The following NELL1 variants were observed in gnomAD, a reference collection of about 807,000 sequenced individuals.
NELL1 encodes the protein neural EGFL like 1, also known as protein kinase C-binding protein NELL1.
A neutral mutation model predicts 107.4 loss-of-function variants in NELL1; 76 were observed. The ratio of observed to expected loss-of-function variants is 0.71; its 90% confidence interval spans 0.59 to 0.86. The LOEUF (loss-of-function observed/expected upper bound fraction) is 0.86. NELL1 is among the 40% of genes least tolerant of loss of function. The probability of loss-of-function intolerance (pLI) is 0.00; values close to 1 mark genes in which losing one functional copy is unlikely to be tolerated. For synonymous variants in NELL1, 353 were observed against 341.2 expected, an observed-to-expected ratio of 1.03 and a Z score of -0.38; for missense variants, 1,024 against 1,005.5, an observed-to-expected ratio of 1.02 and a Z score of -0.25.
intron 15 of NELL1, among the ~76,000 whole-genome samples, chr11:21,477,621 A>C (rs1279728344): frequency 6.6e-6 from 1 of 151,988 alleles, no homozygotes; most frequent in African/African-American, 2.4e-5. Context: ...GAATATAATA[A>C]ATACCTAACT....
chr11:21,518,886 C>T (rs4128394), intron 15 of NELL1, among the ~76,000 whole-genome samples: 1,552 of 152,134 alleles, frequency 0.01, 35 homozygotes, highest in East Asian at 0.071. Flanking sequence ...TTTATTTTGG[C>T]TGGAAGTAAT....
intron 11 of NELL1, among the ~76,000 whole-genome samples, chr11:20,957,024 G>A (rs1431687702): frequency 6.6e-6 from 1 of 152,156 alleles, no homozygotes; most frequent in African/African-American, 2.4e-5. Context: ...AATATAGAAA[G>A]AGGGTGATTC....
chr11:21,445,838 T>A lies in NELL1; in HGVS notation c.1645+74890T>A, dbSNP rs80082321. 0.02 allele frequency among the ~76,000 whole-genome samples: 3,005 copies of A among 152,286 alleles called. 262 individuals are homozygous for A. The East Asian group carries it at 0.28, about 14-fold the overall frequency. Reference sequence around the variant, plus strand: ...GATATACTATTCTAAGATAAAAGTGTCTTGTTGTTTTCTTCAGCACTTTAA... The same window carrying A: ...GATATACTATTCTAAGATAAAAGTGACTTGTTGTTTTCTTCAGCACTTTAA... On this transcript the variant is annotated intron_variant, in intron 15 of 19. Coordinates refer to ENST00000357134, the MANE Select transcript of NELL1 (RefSeq NM_006157.5).
At chr11:21,084,727 T>G (rs188141716) in intron 12 of NELL1, among the ~76,000 whole-genome samples, 2 of 152,352 alleles carry the variant, frequency 1.3e-5, no homozygotes, top group African/African-American at 2.4e-5. Context: ...TTTGTCTTGA[T>G]AGCGCAACCA....
chr11:21,428,393 T>C (rs1852885510), intron 15 of NELL1, among the ~76,000 whole-genome samples: 1 of 152,202 alleles, frequency 6.6e-6, no homozygotes, highest in African/African-American at 2.4e-5. Flanking sequence ...TTCATAACTC[T>C]GAAATCATAA....
At chr11:21,446,140 T>A (rs1293517002) in intron 15 of NELL1, among the ~76,000 whole-genome samples, 1 of 152,120 alleles carries the variant, frequency 6.6e-6, no homozygotes, top group African/African-American at 2.4e-5. Context: ...TCTGATGCAT[T>A]CTTCAGTATG....
intron 12 of NELL1, among the ~76,000 whole-genome samples, chr11:21,019,390 T>C (rs567057441): frequency 4.5e-4 from 68 of 152,198 alleles, no homozygotes; most frequent in Non-Finnish European, 8.1e-4. Flanking sequence ...CACAAGTATA[T>C]GTGGCCCAAG....
In NELL1 at chr11:21,270,528, A is replaced by C. The variant is rs146992061; in HGVS notation, c.1549+41074A>C. ...GCCTAACATGAGAACCTCAAAATAC[A>C]TGAGTAAAAACTGACCAAACTAGAA... On this transcript the variant is annotated intron_variant, in intron 14 of 19. Coordinates refer to ENST00000357134, the MANE Select transcript of NELL1 (RefSeq NM_006157.5). 8.9e-4 allele frequency among the ~76,000 whole-genome samples: 135 copies of C among 152,292 alleles called. 2 individuals carry two copies. The East Asian group carries it at 0.025, about 28-fold the overall frequency.
chr11:21,097,971 A>G (rs4923343), intron 12 of NELL1, among the ~76,000 whole-genome samples: 36,125 of 150,616 alleles, frequency 0.24, 4,624 homozygotes, highest in South Asian at 0.37. Context: ...TCTCCCTCCC[A>G]ACTCCAAAAA....
chr11:21,146,973 G>A (rs1855995444), intron 13 of NELL1, among the ~76,000 whole-genome samples: 1 of 152,172 alleles, frequency 6.6e-6, no homozygotes, highest in Admixed American at 6.5e-5. Flanking sequence ...GAACCCAGGA[G>A]GCAGAGGTTG....
intron 12 of NELL1, among the ~76,000 whole-genome samples, chr11:21,111,786 A>G (rs979068201): frequency 2.0e-5 from 3 of 152,076 alleles, no homozygotes; most frequent in Non-Finnish European, 2.9e-5. Context: ...CAATTGTGCT[A>G]TGTGCCCAGA....
intron 15 of NELL1, among the ~76,000 whole-genome samples, chr11:21,455,025 T>C (rs1364068928): frequency 2.0e-5 from 3 of 152,228 alleles, no homozygotes. Context: ...TAGATCCAAA[T>C]TTATTCTGTG....
chr11:21,277,580 C>T (rs1344671824), intron 14 of NELL1, among the ~76,000 whole-genome samples: 1 of 152,142 alleles, frequency 6.6e-6, no homozygotes, highest in Non-Finnish European at 1.5e-5. Context: ...AATCTTGCTG[C>T]TATAAAGACA....
At chr11:21,447,476 T>C (rs1248422559) in intron 15 of NELL1, among the ~76,000 whole-genome samples, 1 of 152,194 alleles carries the variant, frequency 6.6e-6, no homozygotes, top group Non-Finnish European at 1.5e-5. Flanking sequence ...CCATGGGCTC[T>C]TAAATCAGCA....
intron 2 of NELL1, among the ~76,000 whole-genome samples, chr11:20,780,293 ACAT>A (rs1324030606): frequency 6.6e-6 from 1 of 152,242 alleles, no homozygotes. Flanking sequence ...TTAGCACCAA[ACAT>A]CATTACAATA....
chr11:20,802,054 G>T (rs907609552), intron 3 of NELL1, among the ~76,000 whole-genome samples: 21 of 152,030 alleles, frequency 1.4e-4, no homozygotes, highest in African/African-American at 5.1e-4. Context: ...GATAGCTTTG[G>T]CTATTCTGGG....
intron 15 of NELL1, among the ~76,000 whole-genome samples, chr11:21,400,879 A>T (rs758898606): frequency 1.9e-4 from 29 of 152,060 alleles, no homozygotes; most frequent in South Asian, 8.3e-4. Flanking sequence ...CACTAGGCTT[A>T]GAAGGCATAG....
intron 13 of NELL1, among the ~76,000 whole-genome samples, chr11:21,198,961 C>G (rs1313506135): frequency 6.6e-6 from 1 of 152,124 alleles, no homozygotes; most frequent in Non-Finnish European, 1.5e-5. Context: ...CTATTTTTGT[C>G]TCTAGATTGT....
intron 3 of NELL1, among the ~76,000 whole-genome samples, chr11:20,818,758 G>T (rs949096857): frequency 6.6e-6 from 1 of 152,136 alleles, no homozygotes. Context: ...CATGTAAGCC[G>T]CCCTTAGAAA....
Sources: allele counts gnomAD v4.1 joint callset (sites outside exome capture counted in the v4.1 genomes callset), GRCh38; gene constraint gnomAD v4.1.1; transcripts MANE v1.5; gene names NCBI Gene and HGNC (gene_info 2026-07-23, HGNC 2026-07-21).